Variants in L3MBTL4 observed in about 807,000 individuals in gnomAD.
L3MBTL4 encodes the protein L3MBTL histone methyl-lysine binding protein 4.
A neutral mutation model predicts 84.5 loss-of-function variants in L3MBTL4; 70 were observed. That is an observed-to-expected ratio of 0.83 (90% CI 0.68 to 1.01). The LOEUF (loss-of-function observed/expected upper bound fraction) is 1.01, where lower values mean the gene tolerates loss of function less well. Among genes scored for constraint, L3MBTL4 ranks in the 50% least tolerant of loss-of-function variants. The pLI is 0.00. For missense variants in L3MBTL4, 715 were observed against 754.8 expected, an observed-to-expected ratio of 0.95 and a Z score of 0.62; for synonymous variants, 274 against 259.8, an observed-to-expected ratio of 1.05 and a Z score of -0.52.
intron 1 of L3MBTL4, among the ~76,000 whole-genome samples, chr18:6,406,585 C>G (rs1938280746): frequency 1.3e-5 from 2 of 152,092 alleles, no homozygotes; most frequent in Non-Finnish European, 2.9e-5. Context: ...CCCCAGAGGA[C>G]AGGAAGAAGT....
chr18:5,994,073 A>G (rs1163948169), intron 16 of L3MBTL4, among the ~76,000 whole-genome samples: 1 of 152,138 alleles, frequency 6.6e-6, no homozygotes. Flanking sequence ...TTTCTCTTCC[A>G]GGAACATAAT....
rs772735191 is a variant in L3MBTL4, at chr18:6,129,368, C to CTGTGTGTGTGTG, written c.1199+8814_1199+8825dup. Among the ~76,000 whole-genome samples the CTGTGTGTGTGTG allele has an allele frequency of 3.9e-3, 543 of 138,294 alleles. 4 individuals carry two copies. Among genetic ancestry groups the CTGTGTGTGTGTG allele is most frequent in the Middle Eastern group, 0.015 (4 of 268 alleles). 90.7% of individuals were successfully genotyped at this position (138,294 alleles called of 152,430 possible). On this transcript the variant is annotated intron_variant, in intron 14 of 18. Coordinates refer to ENST00000317931, the MANE Select transcript of L3MBTL4 (RefSeq NM_001330559.2). Reference sequence around the variant, plus strand: ...TCTTAACAATTTACTGGAATTCTCTCTGTGTGTGTGTGTGTGTGTGTGTGT... The same window carrying CTGTGTGTGTGTG: ...TCTTAACAATTTACTGGAATTCTCTCTGTGTGTGTGTGTGTGTGTGTGTGTGTGTGTGTGTGT...
intron 1 of L3MBTL4, among the ~76,000 whole-genome samples, chr18:6,345,473 T>G (rs570138901): frequency 1.3e-5 from 2 of 151,872 alleles, no homozygotes; most frequent in East Asian, 3.9e-4. Context: ...ATTTTAAAAA[T>G]TCGGTAAATT....
intron 16 of L3MBTL4, among the ~76,000 whole-genome samples, chr18:5,984,556 A>T (rs1337619262): frequency 1.3e-5 from 2 of 152,244 alleles, no homozygotes; most frequent in African/African-American, 4.8e-5. Context: ...AATTCTTCAG[A>T]TAACTGAATA....
At chr18:6,246,347 C>G (rs2047665937) in intron 5 of L3MBTL4, among the ~76,000 whole-genome samples, 2 of 152,162 alleles carry the variant, frequency 1.3e-5, no homozygotes, top group African/African-American at 4.8e-5. Context: ...ATGTTTATAG[C>G]TATTTTTACT....
At chr18:6,284,449 A>G (rs1388719608) in intron 4 of L3MBTL4, among the ~76,000 whole-genome samples, 1 of 152,164 alleles carries the variant, frequency 6.6e-6, no homozygotes. Context: ...AGACGAGGCC[A>G]AGCAAAAGGG....
chr18:6,325,367 G>A (rs2051660428), intron 1 of L3MBTL4, among the ~76,000 whole-genome samples: 2 of 152,102 alleles, frequency 1.3e-5, no homozygotes, highest in East Asian at 1.9e-4. Flanking sequence ...TACTTTTGTT[G>A]AGAGATGGTA....
At chr18:6,096,209 T>C (rs759758064) in intron 14 of L3MBTL4, among the ~76,000 whole-genome samples, 11 of 152,332 alleles carry the variant, frequency 7.2e-5, no homozygotes, top group Non-Finnish European at 1.5e-4. Context: ...TGAGCTGTTA[T>C]AGTCATCAGT....
At chr18:6,150,607 T>G (rs1208686620) in intron 13 of L3MBTL4, among the ~76,000 whole-genome samples, 1 of 152,152 alleles carries the variant, frequency 6.6e-6, no homozygotes, top group African/African-American at 2.4e-5. Flanking sequence ...ATTCTCCACC[T>G]GATGTCTGTA....
intron 1 of L3MBTL4, among the ~76,000 whole-genome samples, chr18:6,409,172 G>A (rs1408965183): frequency 1.3e-5 from 2 of 152,188 alleles, no homozygotes; most frequent in African/African-American, 4.8e-5. Flanking sequence ...TCAAAGCCAG[G>A]AGTCAGATAG....
intron 1 of L3MBTL4, among the ~76,000 whole-genome samples, chr18:6,346,175 C>T (rs908606268): frequency 1.1e-3 from 158 of 146,410 alleles, no homozygotes; most frequent in African/African-American, 3.8e-3. Context: ...TTACACAATA[C>T]ATAAAAATCA....
chr18:6,164,809 C>A lies in L3MBTL4; in HGVS notation c.1096+7019G>T, dbSNP rs1253491201. On this transcript the variant is annotated intron_variant, in intron 13 of 18. Transcript: ENST00000317931. ...CCAAAGGAACGCAGCTCCTCACCAG[C>A]AACGGAACAAAGCTGGACAGAGAAT... Among the ~76,000 whole-genome samples, 8 of 152,216 alleles carry A rather than the reference C, an allele frequency of 5.3e-5. 1 individual carries two copies. The highest frequency in any genetic ancestry group is 3.3e-4 in the Admixed American group (5 of 15,288).
At chr18:6,108,391 A>T (rs1400148629) in intron 14 of L3MBTL4, among the ~76,000 whole-genome samples, 1 of 152,186 alleles carries the variant, frequency 6.6e-6, no homozygotes, top group East Asian at 1.9e-4. Flanking sequence ...AACAGTTACA[A>T]TAGAAATTTT....
At chr18:6,168,378 T>C (rs1446514014) in intron 13 of L3MBTL4, among the ~76,000 whole-genome samples, 2 of 152,154 alleles carry the variant, frequency 1.3e-5, no homozygotes, top group African/African-American at 2.4e-5. Flanking sequence ...AAGTCAATCC[T>C]AAGCCAAAAG....
At chr18:6,154,422 G>C (rs1187902059) in intron 13 of L3MBTL4, among the ~76,000 whole-genome samples, 1 of 152,104 alleles carries the variant, frequency 6.6e-6, no homozygotes, top group Admixed American at 6.5e-5. Context: ...AAGGGGGAAA[G>C]AAATGTACTC....
rs1308447688 is a variant in L3MBTL4, at chr18:6,180,703, A to C, written c.982-8761T>G. ...AAAGCAGTGTTTTTCAAAATTTATT[A>C]AGCAAAATATGAACCATCCTCTCCT... On this transcript the variant is annotated intron_variant, in intron 12 of 18. Transcript: ENST00000317931. 3.3e-5 allele frequency among the ~76,000 whole-genome samples: 5 copies of C among 152,342 alleles called. No homozygotes were observed. The South Asian group carries it at 1.0e-3, about 32-fold the overall frequency.
intron 14 of L3MBTL4, among the ~76,000 whole-genome samples, chr18:6,117,241 G>C (rs2059387889): frequency 1.3e-5 from 2 of 152,216 alleles, no homozygotes; most frequent in South Asian, 4.1e-4. Context: ...TCAGAGACTG[G>C]CATGAAACAG....
intron 13 of L3MBTL4, among the ~76,000 whole-genome samples, chr18:6,162,848 G>A (rs977102181): frequency 6.6e-6 from 1 of 152,156 alleles, no homozygotes; most frequent in Admixed American, 6.6e-5. Context: ...CAGATTCTTA[G>A]GAGGCCAGTG....
At chr18:6,225,315 C>T (rs2046733477) in intron 10 of L3MBTL4, among the ~76,000 whole-genome samples, 1 of 152,192 alleles carries the variant, frequency 6.6e-6, no homozygotes, top group African/African-American at 2.4e-5. Context: ...ACTTAAAGGC[C>T]AAGTGGGGCT....
Sources: allele counts gnomAD v4.1 joint callset (sites outside exome capture counted in the v4.1 genomes callset), GRCh38; gene constraint gnomAD v4.1.1; transcripts MANE v1.5; gene names NCBI Gene and HGNC (gene_info 2026-07-23, HGNC 2026-07-21).